The following DNAJC8 variants were observed in gnomAD, a reference collection of about 807,000 sequenced individuals.
The protein encoded by DNAJC8 is DnaJ heat shock protein family (Hsp40) member C8.
A neutral mutation model predicts 43.2 loss-of-function variants in DNAJC8; 24 were observed. That is an observed-to-expected ratio of 0.56 (90% CI 0.40 to 0.78). The LOEUF is 0.78. Ranked by LOEUF, DNAJC8 falls within the 30% of genes least tolerant of loss-of-function variation. The pLI is 0.00. For missense variants in DNAJC8, 207 were observed against 299.4 expected, an observed-to-expected ratio of 0.69 and a Z score of 2.28; for synonymous variants, 83 against 98.0, an observed-to-expected ratio of 0.85 and a Z score of 0.90.
chr1:28,214,827 TA>T (rs1423936240), intron 3 of DNAJC8, 112 bp downstream of exon 3: 53 of 796,362 alleles, frequency 6.7e-5, no homozygotes, highest in Middle Eastern at 3.2e-4. Flanking sequence ...TACACAGCCT[TA>T]AAAAAAAGTT....
Position 28,232,955 on chromosome 1 carries a change from C to T in DNAJC8, c.44G>A (p.Ser15Asn), listed in dbSNP as rs1389157252. 2 of 1,613,318 alleles carry T rather than the reference C, an allele frequency of 1.2e-6. No homozygotes were observed. Among genetic ancestry groups the T allele is most frequent in the Admixed American group, 1.7e-5 (1 of 60,016 alleles). Residue 15 changes from serine (S) to asparagine (N), a missense_variant, in exon 1 of 9, where the codon AGC becomes AAC. By Grantham distance (46) the Ser-to-Asn change is conservative. Transcript: ENST00000263697. ...GAAGGTCATAAATGCTTCCTCGGTG[C>T]TGCCTCCGCCGCCTGAAGTCCCGCT... ...GESGTSGGGG[S>N]TEEAFMTFYS...
At chr1:28,229,046 C>T in intron 1 of DNAJC8, 23 bp from the exon 2 acceptor site, 2 of 1,583,200 alleles carry the variant, frequency 1.3e-6, no homozygotes, top group Non-Finnish European at 1.7e-6. Context: ...GGATTAAAAA[C>T]TTCATTAATA....
intron 4 of DNAJC8, 123 bp from the exon 5 acceptor site, chr1:28,210,189 G>T: frequency 1.3e-6 from 1 of 775,016 alleles, no homozygotes; most frequent in East Asian, 2.7e-5. Flanking sequence ...ATTTACTGTC[G>T]TTAAACTAAG....
intron 6 of DNAJC8, 65 bp from the exon 7 acceptor site, chr1:28,205,414 T>C: frequency 8.1e-7 from 1 of 1,232,160 alleles, no homozygotes; most frequent in Non-Finnish European, 1.2e-6. Context: ...TTGAACCATG[T>C]ACTTTCACCT....
At chr1:28,227,499 G>A (rs1489333622) in intron 2 of DNAJC8, among the ~76,000 whole-genome samples, 2 of 151,362 alleles carry the variant, frequency 1.3e-5, no homozygotes, top group Non-Finnish European at 1.5e-5. Flanking sequence ...GCCCAAGGTG[G>A]GCAAATCGTT....
intron 3 of DNAJC8, among the ~76,000 whole-genome samples, chr1:28,212,484 G>A (rs898343542): frequency 6.6e-6 from 1 of 151,130 alleles, no homozygotes; most frequent in Admixed American, 6.6e-5. Flanking sequence ...GTTTCACCAT[G>A]TTGCCCAGGC....
chr1:28,205,431 C>G (rs565440085), intron 6 of DNAJC8, 82 bp from the exon 7 acceptor site: 2 of 1,025,146 alleles, frequency 2.0e-6, no homozygotes, highest in Non-Finnish European at 2.9e-6. Flanking sequence ...ACCTGGAGTC[C>G]AAGATAAAGC....
At chr1:28,206,020 C>CA (rs1201822256) in intron 6 of DNAJC8, among the ~76,000 whole-genome samples, 2 of 152,090 alleles carry the variant, frequency 1.3e-5, no homozygotes, top group East Asian at 1.9e-4. Flanking sequence ...CCCATCTCTA[C>CA]AAAAAATATT....
intron 8 of DNAJC8, among the ~76,000 whole-genome samples, chr1:28,202,896 C>T (rs1646746925): frequency 6.6e-6 from 1 of 152,176 alleles, no homozygotes; most frequent in Admixed American, 6.5e-5. Context: ...TATGGTATTT[C>T]TAATTGTCAC....
At chr1:28,219,502 C>T (rs1163704662) in intron 2 of DNAJC8, among the ~76,000 whole-genome samples, 1 of 152,126 alleles carries the variant, frequency 6.6e-6, no homozygotes, top group East Asian at 1.9e-4. Flanking sequence ...GAGTGAGACT[C>T]TGTCTCAATA....
intron 2 of DNAJC8, among the ~76,000 whole-genome samples, chr1:28,216,075 G>T (rs539159672): frequency 6.6e-6 from 1 of 151,936 alleles, no homozygotes; most frequent in Admixed American, 6.6e-5. Flanking sequence ...CTGGCCGGGC[G>T]CAGTGGCTCA....
intron 2 of DNAJC8, among the ~76,000 whole-genome samples, chr1:28,225,685 A>T (rs559513741): frequency 6.7e-6 from 1 of 149,064 alleles, no homozygotes; most frequent in South Asian, 2.1e-4. Flanking sequence ...TTGTAAAACT[A>T]AAAAAAAATT....
intron 8 of DNAJC8, among the ~76,000 whole-genome samples, chr1:28,202,354 A>T (rs1646740502): frequency 6.6e-6 from 1 of 151,894 alleles, no homozygotes; most frequent in Non-Finnish European, 1.5e-5. Context: ...ATCTCGGCTC[A>T]CTACAACCTC....
intron 1 of DNAJC8, among the ~76,000 whole-genome samples, chr1:28,230,773 C>T (rs976571944): frequency 6.6e-6 from 1 of 152,198 alleles, no homozygotes; most frequent in East Asian, 1.9e-4. Flanking sequence ...CTCAGCCTTC[C>T]GGGCAGCTGA....
At chr1:28,226,143 G>A (rs1434584531) in intron 2 of DNAJC8, among the ~76,000 whole-genome samples, 1 of 151,206 alleles carries the variant, frequency 6.6e-6, no homozygotes, top group Non-Finnish European at 1.5e-5. Flanking sequence ...TTGTAAATGT[G>A]AACAATTAGA....
intron 2 of DNAJC8, among the ~76,000 whole-genome samples, chr1:28,217,230 C>G (rs564758742): frequency 3.7e-4 from 56 of 151,954 alleles, no homozygotes; most frequent in African/African-American, 1.3e-3. Flanking sequence ...CTCTGGGGCT[C>G]AAGTGGTCCT....
chr1:28,223,525 G>C (rs1284059763), intron 2 of DNAJC8, among the ~76,000 whole-genome samples: 1 of 152,078 alleles, frequency 6.6e-6, no homozygotes, highest in African/African-American at 2.4e-5. Flanking sequence ...AGGAGTGGCA[G>C]TGGGAAGTTA....
intron 3 of DNAJC8, among the ~76,000 whole-genome samples, chr1:28,211,006 CA>C (rs879559223): frequency 2.0e-5 from 3 of 151,030 alleles, no homozygotes; most frequent in Non-Finnish European, 4.4e-5. Context: ...CCTGTCTCTA[CA>C]AAAAAAAAAT....
chr1:28,208,272 G>T, intron 6 of DNAJC8, 70 bp downstream of exon 6: 1 of 1,166,392 alleles, frequency 8.6e-7, no homozygotes, highest in Non-Finnish European at 1.2e-6. Context: ...TTTGGCTTCT[G>T]TCTCTGTAAC....
Sources: allele counts gnomAD v4.1 joint callset (sites outside exome capture counted in the v4.1 genomes callset), GRCh38; gene constraint gnomAD v4.1.1; transcripts MANE v1.5; gene names NCBI Gene and HGNC (gene_info 2026-07-23, HGNC 2026-07-21).